Variants in RALGPS1 observed in about 807,000 individuals in gnomAD.
RALGPS1 encodes the protein Ral GEF with PH domain and SH3 binding motif 1, also known as ras-specific guanine nucleotide-releasing factor RalGPS1.
A neutral mutation model predicts 78.8 loss-of-function variants in RALGPS1; 19 were observed. The ratio of observed to expected loss-of-function variants is 0.24; its 90% CI spans 0.17 to 0.35. The LOEUF is 0.35. RALGPS1 is among the 10% of genes least tolerant of loss of function. The pLI, the probability that RALGPS1 is intolerant of heterozygous loss-of-function variation, is 1.00. For synonymous variants in RALGPS1, 228 were observed against 256.3 expected (o/e 0.89, Z 1.06); for missense variants, 454 against 688.3 (o/e 0.66, Z 3.81).
chr9:127,195,039 C>T, intron 11 of RALGPS1, 52 bp from the exon 12 acceptor site: 2 of 1,601,074 alleles, frequency 1.2e-6, no homozygotes, highest in Middle Eastern at 1.7e-4. Flanking sequence ...CTGTGCAGCC[C>T]CTCACCCTCC....
intron 8 of RALGPS1, among the ~76,000 whole-genome samples, chr9:127,132,285 C>A (rs974748944): frequency 6.6e-6 from 1 of 152,172 alleles, no homozygotes; most frequent in Non-Finnish European, 1.5e-5. Context: ...ATTAACACGT[C>A]CCTGATTTCC....
At chr9:126,984,295 G>A (rs1328850805) in intron 4 of RALGPS1, among the ~76,000 whole-genome samples, 3 of 152,096 alleles carry the variant, frequency 2.0e-5, no homozygotes, top group African/African-American at 2.4e-5. Context: ...TTGAAGAGAC[G>A]TATCACTGTG....
chr9:127,071,514 T>A (rs1465039635), intron 8 of RALGPS1, among the ~76,000 whole-genome samples: 1 of 152,222 alleles, frequency 6.6e-6, no homozygotes, highest in Non-Finnish European at 1.5e-5. Context: ...CTCTTATGAT[T>A]CATCTCTCCT....
At chr9:127,194,928 G>A (rs1209273206) in intron 11 of RALGPS1, among the ~76,000 whole-genome samples, 163 bp from the exon 12 acceptor site, 2 of 152,180 alleles carry the variant, frequency 1.3e-5, no homozygotes, top group African/African-American at 4.8e-5. Flanking sequence ...TATCTAATGA[G>A]TAGGAAGCTA....
At chr9:127,024,397 A>G (rs2045776880) in intron 4 of RALGPS1, among the ~76,000 whole-genome samples, 1 of 150,596 alleles carries the variant, frequency 6.6e-6, no homozygotes, top group Non-Finnish European at 1.5e-5. Context: ...TTCTTGTTTC[A>G]CCAGCTTTGT....
At chr9:127,093,489 C>G (rs1048620741) in intron 8 of RALGPS1, among the ~76,000 whole-genome samples, 1 of 152,230 alleles carries the variant, frequency 6.6e-6, no homozygotes, top group African/African-American at 2.4e-5. Context: ...TCTACTGACT[C>G]TTGTCCTGCA....
chr9:127,083,443 G>A (rs2051378616), intron 8 of RALGPS1, among the ~76,000 whole-genome samples: 1 of 152,248 alleles, frequency 6.6e-6, no homozygotes, highest in Non-Finnish European at 1.5e-5. Flanking sequence ...ATGGATGCTT[G>A]ATGAGAAGCA....
chr9:127,141,823 T>C (rs2057802066), intron 8 of RALGPS1, among the ~76,000 whole-genome samples: 1 of 152,184 alleles, frequency 6.6e-6, no homozygotes, highest in Admixed American at 6.5e-5. Flanking sequence ...ATTTTAAATA[T>C]AGAAAATTGA....
At chr9:127,074,079 AC>A (rs2050468462) in intron 8 of RALGPS1, among the ~76,000 whole-genome samples, 1 of 152,026 alleles carries the variant, frequency 6.6e-6, no homozygotes, top group Admixed American at 6.5e-5. Context: ...ACGGGGTTTC[AC>A]CATGTTGGCC....
chr9:127,051,807 T>C (rs1389479737), intron 6 of RALGPS1, among the ~76,000 whole-genome samples: 1 of 152,130 alleles, frequency 6.6e-6, no homozygotes, highest in African/African-American at 2.4e-5. Context: ...AAACACACAG[T>C]CCAGGGTGAG....
At chr9:127,141,569 A>G (rs925988586) in intron 8 of RALGPS1, among the ~76,000 whole-genome samples, 2 of 150,180 alleles carry the variant, frequency 1.3e-5, no homozygotes, top group African/African-American at 2.5e-5. Flanking sequence ...AAGCTTCAAA[A>G]TGAAACTTCA....
At chr9:126,993,223 C>A (rs1308207234) in intron 4 of RALGPS1, among the ~76,000 whole-genome samples, 1 of 151,988 alleles carries the variant, frequency 6.6e-6, no homozygotes, top group Non-Finnish European at 1.5e-5. Context: ...TGTGGTAAAC[C>A]CCACTTAGTT....
At chr9:126,929,124 T>C (rs964032526) in intron 1 of RALGPS1, among the ~76,000 whole-genome samples, 6 of 152,156 alleles carry the variant, frequency 3.9e-5, no homozygotes, top group African/African-American at 1.4e-4. Context: ...TCTGTAGATA[T>C]CTCCACTGGA....
At chr9:127,161,215 G>A (rs1307913954) in intron 8 of RALGPS1, among the ~76,000 whole-genome samples, 2 of 152,256 alleles carry the variant, frequency 1.3e-5, no homozygotes, top group Non-Finnish European at 2.9e-5. Context: ...CAGCATCTGG[G>A]CGCCATCCAC....
At chr9:126,916,741 A>C (rs959132289) in intron 1 of RALGPS1, among the ~76,000 whole-genome samples, 3 of 152,142 alleles carry the variant, frequency 2.0e-5, no homozygotes, top group Admixed American at 2.0e-4. Context: ...AGATCGTGCC[A>C]CTGCACTCCA....
At chr9:126,998,691 T>C (rs2043002058) in intron 4 of RALGPS1, among the ~76,000 whole-genome samples, 1 of 152,098 alleles carries the variant, frequency 6.6e-6, no homozygotes, top group Non-Finnish European at 1.5e-5. Flanking sequence ...GGACTATAAA[T>C]CATGCTGCTA....
intron 3 of RALGPS1, among the ~76,000 whole-genome samples, chr9:126,976,169 A>C (rs1440199363): frequency 2.0e-5 from 3 of 152,152 alleles, no homozygotes; most frequent in Non-Finnish European, 4.4e-5. Flanking sequence ...ACCTCAGTGC[A>C]TGAATATTCA....
In RALGPS1 at chr9:126,936,536, T is replaced by A. The variant is rs7022651; in HGVS notation, c.-66+21561T>A. 8.3e-3 allele frequency among the ~76,000 whole-genome samples: 1,264 copies of A among 152,256 alleles called. 14 individuals carry two copies. The highest frequency in any genetic ancestry group is 0.028 in the African/African-American group (1,178 of 41,542). On this transcript the variant is annotated intron_variant, in intron 1 of 18. Transcript: ENST00000259351. ...AGCAAGAACAGATTTATTTATTATT[T>A]TTTTTTTTCCAAAGGAAAGAGAATT...
At chr9:127,115,788 C>T (rs1225369229) in intron 8 of RALGPS1, among the ~76,000 whole-genome samples, 1 of 152,246 alleles carries the variant, frequency 6.6e-6, no homozygotes, top group Non-Finnish European at 1.5e-5. Flanking sequence ...TGCTTGATCA[C>T]GCAAGTGGTA....
Sources: gnomAD v4.1 joint callset for allele counts (sites outside exome capture counted in the v4.1 genomes callset) on GRCh38, gnomAD v4.1.1 for gene constraint, MANE v1.5 for transcripts, NCBI Gene and HGNC (gene_info 2026-07-23, HGNC 2026-07-21) for gene names.